The following OCA2 variants were observed in gnomAD, a reference collection of about 807,000 sequenced individuals.
The protein encoded by OCA2 is P protein.
Under a neutral mutation model 100.2 loss-of-function variants are expected in OCA2, and 77 were observed. That is an observed-to-expected ratio of 0.77 (90% confidence interval 0.64 to 0.93). OCA2 has a LOEUF of 0.93. OCA2 is among the 40% of genes least tolerant of loss of function. The pLI, the probability that OCA2 is intolerant of heterozygous loss-of-function variation, is 0.00. For synonymous variants in OCA2, 432 were observed against 439.2 expected, an observed-to-expected ratio of 0.98 and a Z score of 0.21; for missense variants, 1,062 against 1,089.1, an observed-to-expected ratio of 0.98 and a Z score of 0.35.
intron 23 of OCA2, among the ~76,000 whole-genome samples, chr15:27,820,361 G>A (rs916641151): frequency 2.6e-5 from 4 of 152,144 alleles, no homozygotes; most frequent in Admixed American, 6.5e-5. Flanking sequence ...AGCCCATGAT[G>A]AGTCATGCTG....
chr15:27,950,228 C>T (rs188839724), intron 18 of OCA2, among the ~76,000 whole-genome samples: 6 of 152,302 alleles, frequency 3.9e-5, no homozygotes, highest in Admixed American at 3.9e-4. Context: ...AAAGTAGACT[C>T]TCAAATAAAA....
intron 21 of OCA2, among the ~76,000 whole-genome samples, chr15:27,859,677 C>T (rs1350226931): frequency 6.6e-6 from 1 of 152,020 alleles, no homozygotes; most frequent in Non-Finnish European, 1.5e-5. Flanking sequence ...TCCATGAGGC[C>T]AGCATTACCC....
At chr15:27,906,505 G>A (rs2038182878) in intron 19 of OCA2, among the ~76,000 whole-genome samples, 1 of 152,110 alleles carries the variant, frequency 6.6e-6, no homozygotes, top group African/African-American at 2.4e-5. Context: ...CCCGGGCAAT[G>A]AAGGAATAAT....
intron 23 of OCA2, among the ~76,000 whole-genome samples, chr15:27,786,467 A>C (rs932905702): frequency 6.6e-6 from 1 of 152,302 alleles, no homozygotes; most frequent in East Asian, 1.9e-4. Flanking sequence ...TACTCTCAGC[A>C]ATGCCACGTT....
intron 11 of OCA2, among the ~76,000 whole-genome samples, chr15:27,989,374 A>G (rs750588378): frequency 3.3e-5 from 5 of 152,178 alleles, no homozygotes; most frequent in Admixed American, 6.5e-5. Flanking sequence ...CTAAATGGCA[A>G]TATGACTTCA....
intron 1 of OCA2, among the ~76,000 whole-genome samples, chr15:28,098,249 A>G (rs2045022417): frequency 6.6e-6 from 1 of 152,230 alleles, no homozygotes; most frequent in South Asian, 2.1e-4. Context: ...AATTCTTTGC[A>G]GTCTACTCAG....
At chr15:27,936,109 T>C (rs2039442018) in intron 18 of OCA2, among the ~76,000 whole-genome samples, 1 of 152,198 alleles carries the variant, frequency 6.6e-6, no homozygotes, top group Non-Finnish European at 1.5e-5. Context: ...ATAGACCAAG[T>C]AAGATCACAA....
In OCA2 at chr15:27,764,692, T is replaced by C. The variant is rs896071753; in HGVS notation, c.2433-9220A>G. 2.6e-5 allele frequency among the ~76,000 whole-genome samples: 4 copies of C among 152,212 alleles called. No homozygotes were observed. In the East Asian group the frequency reaches 5.8e-4, roughly 22 times the overall value. On this transcript the variant is annotated intron_variant, in intron 23 of 23. Coordinates refer to ENST00000354638, the MANE Select transcript of OCA2 (RefSeq NM_000275.3). The stretch of plus-strand genomic sequence containing the variant: ...CGGTCCACAAAGCCTGAAATATGCA[T>C]TCACCCTTACTGAAAACACTTGCTG...
At position 27,896,961 on chromosome 15, in the gene OCA2, T is replaced by C. The variant is rs1227435437; in HGVS notation, c.2080-25039A>G. ...ATCCCAGCACTCTGGGGGGCCGAGG[T>C]GGGCGGATTACGAGGTCAGGAGATC... On this transcript the variant is annotated intron_variant, in intron 19 of 23. Transcript: ENST00000354638. 3.3e-5 allele frequency among the ~76,000 whole-genome samples: 5 copies of C among 151,916 alleles called. No individual in the cohort carries two copies. The East Asian group carries it at 9.7e-4, about 29-fold the overall frequency.
Position 27,913,899 on chromosome 15 carries a change from G to GAAAGAA in OCA2, c.2079+12227_2079+12228insTTCTTT, listed in dbSNP as rs1567098702. 9.2e-3 allele frequency among the ~76,000 whole-genome samples: 301 copies of GAAAGAA among 32,794 alleles called. 27 individuals carry two copies. Among genetic ancestry groups the GAAAGAA allele is most frequent in the East Asian group, 0.064 (22 of 342 alleles). 21.5% of individuals were successfully genotyped at this position (32,794 alleles called of 152,430 possible). On this transcript the variant is annotated intron_variant, in intron 19 of 23. Transcript: ENST00000354638. Reference sequence around the variant, plus strand: ...AGAAAGAAAGAAAGAAAGAAAGCAAGCAAGCAAGCAAGCAAGCAAGCAAGC... The same window carrying GAAAGAA: ...AGAAAGAAAGAAAGAAAGAAAGCAAGAAAGAACAAGCAAGCAAGCAAGCAAGCAAGC...
chr15:27,871,109 G>C (rs753460141), intron 21 of OCA2, 45 bp downstream of exon 21: 3 of 1,419,192 alleles, frequency 2.1e-6, no homozygotes, highest in Non-Finnish European at 3.0e-6. Context: ...CCCAGGCTAT[G>C]TCCAGGCTAA....
At chr15:28,073,339 G>A (rs555138105) in intron 2 of OCA2, among the ~76,000 whole-genome samples, 12 of 152,268 alleles carry the variant, frequency 7.9e-5, no homozygotes, top group African/African-American at 2.4e-4. Flanking sequence ...GCTTGAACCC[G>A]GGAGGTGGAG....
chr15:28,096,490 C>T (rs2044986161), intron 1 of OCA2, among the ~76,000 whole-genome samples: 1 of 152,192 alleles, frequency 6.6e-6, no homozygotes, highest in Non-Finnish European at 1.5e-5. Context: ...AGAAGCCCTG[C>T]GGCCAAGAAG....
intron 23 of OCA2, among the ~76,000 whole-genome samples, chr15:27,767,172 A>C (rs1350783649): frequency 6.6e-6 from 1 of 152,240 alleles, no homozygotes; most frequent in Non-Finnish European, 1.5e-5. Flanking sequence ...ATCAAGCTAC[A>C]GATGGTCTTA....
At chr15:27,844,061 T>C (rs2035441082) in intron 23 of OCA2, among the ~76,000 whole-genome samples, 1 of 152,124 alleles carries the variant, frequency 6.6e-6, no homozygotes, top group Non-Finnish European at 1.5e-5. Flanking sequence ...TTGACAGGGG[T>C]TTCCAGCCTC....
chr15:27,903,976 G>A (rs1247159730), intron 19 of OCA2, among the ~76,000 whole-genome samples: 2 of 152,052 alleles, frequency 1.3e-5, no homozygotes, highest in African/African-American at 2.4e-5. Flanking sequence ...TTTTAATGAG[G>A]GGATTTTTAA....
intron 18 of OCA2, among the ~76,000 whole-genome samples, chr15:27,937,031 G>A (rs961591153): frequency 1.3e-4 from 19 of 151,888 alleles, no homozygotes; most frequent in South Asian, 2.1e-4. Context: ...TCTCTTCACC[G>A]TCCCCCCACA....
intron 17 of OCA2, among the ~76,000 whole-genome samples, chr15:27,952,954 A>C (rs1210073836): frequency 6.6e-6 from 1 of 152,126 alleles, no homozygotes. Flanking sequence ...AAGTGCTAGG[A>C]TTACAGGTGT....
intron 23 of OCA2, among the ~76,000 whole-genome samples, chr15:27,798,775 G>T (rs922915823): frequency 6.6e-6 from 1 of 152,168 alleles, no homozygotes; most frequent in Admixed American, 6.5e-5. Flanking sequence ...AAAATAACAC[G>T]CAAGGTAACT....
Sources: allele counts gnomAD v4.1 joint callset (sites outside exome capture counted in the v4.1 genomes callset), GRCh38; gene constraint gnomAD v4.1.1; transcripts MANE v1.5; gene names NCBI Gene and HGNC (gene_info 2026-07-23, HGNC 2026-07-21).